The following CWC27 variants were observed in gnomAD, a reference collection of about 807,000 sequenced individuals.
CWC27 encodes the protein CWC27 spliceosome associated cyclophilin.
A neutral mutation model predicts 63.6 loss-of-function variants in CWC27; 47 were observed. The observed-to-expected ratio is 0.74, with a 90% CI of 0.58 to 0.94. CWC27 has a LOEUF of 0.94. CWC27 is among the 40% of genes least tolerant of loss of function. The probability of loss-of-function intolerance (pLI) is 0.00; values close to 1 mark genes in which losing one functional copy is unlikely to be tolerated. For missense variants in CWC27, 495 were observed against 554.3 expected, an observed-to-expected ratio of 0.89 and a Z score of 1.07; for synonymous variants, 175 against 179.8, an observed-to-expected ratio of 0.97 and a Z score of 0.22.
intron 1 of CWC27, 125 bp from the exon 2 acceptor site, chr5:64,774,566 A>T (rs1743374142): frequency 1.9e-6 from 1 of 515,578 alleles, no homozygotes; most frequent in African/African-American, 2.0e-5. Context: ...AACAAAAGCC[A>T]AACACAATTT....
At chr5:64,823,387 A>G (rs994312528) in intron 10 of CWC27, among the ~76,000 whole-genome samples, 2 of 152,244 alleles carry the variant, frequency 1.3e-5, no homozygotes, top group Non-Finnish European at 2.9e-5. Flanking sequence ...CTATATGGCA[A>G]CCAGAGTATT....
At position 64,786,569 on chromosome 5, in the gene CWC27, A is replaced by G; in HGVS notation, c.541A>G (p.Arg181Gly). The G allele has an allele frequency of 6.3e-7, 1 of 1,594,812 alleles. No individual in the cohort carries two copies. The highest frequency in any genetic ancestry group is 1.7e-4 in the Middle Eastern group (1 of 6,002). The change falls in exon 6 of 14, where the codon AGG becomes GGG. Residue 181 changes from arginine (R) to glycine (G), a missense_variant. Coordinates refer to ENST00000381070, the MANE Select transcript of CWC27 (RefSeq NM_005869.4). ...TGACATCATTCCAAGGGAAATTAAA[A>G]GGCTGAAAAAAGAGAAACCAGAGGA... The part of the protein sequence containing the change: ...FDDIIPREIK[R>G]LKKEKPEEEV...
chr5:64,777,695 A>G (rs1408164130), intron 2 of CWC27, among the ~76,000 whole-genome samples: 1 of 152,120 alleles, frequency 6.6e-6, no homozygotes, highest in Admixed American at 6.6e-5. Flanking sequence ...GAACGTGCAT[A>G]ATGAAATAAT....
intron 10 of CWC27, among the ~76,000 whole-genome samples, chr5:64,814,180 A>G (rs1744964309): frequency 6.6e-6 from 1 of 151,956 alleles, no homozygotes; most frequent in Non-Finnish European, 1.5e-5. Flanking sequence ...GGGAAGCCTA[A>G]AGATTGGACA....
chr5:64,804,001 C>G (rs1744572430), intron 9 of CWC27, among the ~76,000 whole-genome samples: 1 of 152,052 alleles, frequency 6.6e-6, no homozygotes, highest in African/African-American at 2.4e-5. Context: ...GAGCGAACAG[C>G]CTTTCCTGGG....
At chr5:64,923,610 A>G (rs750935020) in intron 11 of CWC27, among the ~76,000 whole-genome samples, 1 of 143,094 alleles carries the variant, frequency 7.0e-6, no homozygotes, top group Non-Finnish European at 1.5e-5. Flanking sequence ...TCCTGGCTGT[A>G]TCTAGTCGGC....
chr5:65,005,240 A>G (rs574336628), intron 13 of CWC27, among the ~76,000 whole-genome samples: 1 of 151,706 alleles, frequency 6.6e-6, no homozygotes, highest in Admixed American at 6.6e-5. Context: ...CAGATGGCAC[A>G]TTTAGGCACC....
chr5:64,831,521 CAT>C (rs1491075697), intron 10 of CWC27, among the ~76,000 whole-genome samples: 6 of 138,978 alleles, frequency 4.3e-5, no homozygotes, highest in African/African-American at 1.6e-4. Context: ...TAGACAGACA[CAT>C]AGATAGATAT....
chr5:64,849,105 G>T (rs940796784), intron 10 of CWC27, among the ~76,000 whole-genome samples: 1 of 151,858 alleles, frequency 6.6e-6, no homozygotes, highest in Non-Finnish European at 1.5e-5. Flanking sequence ...CTCCACCAAA[G>T]AGCTATTTGA....
intron 11 of CWC27, among the ~76,000 whole-genome samples, chr5:64,919,528 C>T (rs1036950475): frequency 6.6e-6 from 1 of 152,164 alleles, no homozygotes; most frequent in African/African-American, 2.4e-5. Flanking sequence ...CTCCAGCAGT[C>T]TCCAGTATCT....
At position 64,903,487 on chromosome 5, in the gene CWC27, G is replaced by A. The variant is rs149709713; in HGVS notation, c.1042+17941G>A. ...TGGGAGTTGAACAATGAGAACACAT[G>A]GACACAGGGAGGGGAACATCACACA... On this transcript the variant is annotated intron_variant, in intron 11 of 13. Transcript: ENST00000381070. 9.9e-3 allele frequency among the ~76,000 whole-genome samples: 1,499 copies of A among 151,986 alleles called. 27 individuals are homozygous for A. The highest frequency in any genetic ancestry group is 0.031 in the Middle Eastern group (9 of 294).
intron 10 of CWC27, among the ~76,000 whole-genome samples, chr5:64,828,337 T>C (rs1221559250): frequency 6.6e-6 from 1 of 152,154 alleles, no homozygotes; most frequent in Non-Finnish European, 1.5e-5. Flanking sequence ...AAGTTTAAAG[T>C]TGAAAGAACC....
chr5:64,858,650 A>G (rs1027023666), intron 10 of CWC27, among the ~76,000 whole-genome samples: 1 of 152,110 alleles, frequency 6.6e-6, no homozygotes, highest in Non-Finnish European at 1.5e-5. Flanking sequence ...GCCAATAAAC[A>G]CAGAGAAAAT....
intron 10 of CWC27, among the ~76,000 whole-genome samples, chr5:64,877,497 A>T (rs1746821727): frequency 1.3e-5 from 2 of 151,986 alleles, no homozygotes; most frequent in Non-Finnish European, 2.9e-5. Flanking sequence ...TCAATAGCAG[A>T]GTAGGTTGAC....
At chr5:64,902,172 G>A (rs776199888) in intron 11 of CWC27, among the ~76,000 whole-genome samples, 6 of 152,128 alleles carry the variant, frequency 3.9e-5, no homozygotes, top group Non-Finnish European at 8.8e-5. Flanking sequence ...CAAGTATTAT[G>A]TACTGTACAT....
intron 11 of CWC27, among the ~76,000 whole-genome samples, chr5:64,947,705 A>T (rs2112421756): frequency 6.6e-6 from 1 of 152,218 alleles, no homozygotes; most frequent in Admixed American, 6.6e-5. Flanking sequence ...AGAAAGAGAG[A>T]AAAGAAGTAT....
At chr5:64,896,640 T>C (rs1747383181) in intron 11 of CWC27, among the ~76,000 whole-genome samples, 1 of 150,836 alleles carries the variant, frequency 6.6e-6, no homozygotes, top group Admixed American at 6.6e-5. Context: ...GGAAGGGTCT[T>C]AACTTCCAAA....
At chr5:65,000,064 G>A (rs1749705873) in intron 13 of CWC27, among the ~76,000 whole-genome samples, 1 of 152,048 alleles carries the variant, frequency 6.6e-6, no homozygotes, top group Admixed American at 6.6e-5. Context: ...CTGTGGCTTT[G>A]ATTCGCAGGT....
At chr5:64,890,506 C>G (rs1296918562) in intron 11 of CWC27, among the ~76,000 whole-genome samples, 1 of 152,066 alleles carries the variant, frequency 6.6e-6, no homozygotes, top group African/African-American at 2.4e-5. Flanking sequence ...CAAACTGGTT[C>G]TCTTTTCCAA....
Sources: gnomAD v4.1 joint callset for allele counts (sites outside exome capture counted in the v4.1 genomes callset) on GRCh38, gnomAD v4.1.1 for gene constraint, MANE v1.5 for transcripts, NCBI Gene and HGNC (gene_info 2026-07-23, HGNC 2026-07-21) for gene names.